PAAF1: variants seen among roughly 807,000 people sequenced by gnomAD.
The protein encoded by PAAF1 is proteasomal ATPase associated factor 1.
A neutral mutation model predicts 52.8 loss-of-function variants in PAAF1; 46 were observed. That is an observed-to-expected ratio of 0.87 (90% CI 0.69 to 1.11). The LOEUF (loss-of-function observed/expected upper bound fraction) is 1.11. Among genes scored for constraint, PAAF1 ranks in the 50% most tolerant of loss-of-function variants. The pLI, the probability that PAAF1 is intolerant of heterozygous loss-of-function variation, is 0.00. For synonymous variants in PAAF1, 178 were observed against 172.8 expected (o/e 1.03, Z -0.24); for missense variants, 424 against 477.4 (o/e 0.89, Z 1.04).
chr11:73,886,805 G>C (rs1039529641), intron 2 of PAAF1: 2 of 219,436 alleles, frequency 9.1e-6, no homozygotes, highest in African/African-American at 2.4e-5. Flanking sequence ...TTAATCCTCA[G>C]TGTTGGAGGT....
At chr11:73,882,665 T>A (rs987979307) in intron 2 of PAAF1, among the ~76,000 whole-genome samples, 3 of 151,892 alleles carry the variant, frequency 2.0e-5, no homozygotes, top group Admixed American at 2.0e-4. Flanking sequence ...TGCAGTGGCA[T>A]GTTCTCGGCT....
At position 73,894,462 on chromosome 11, in the gene PAAF1, A is replaced by G. The variant is rs112122721; in HGVS notation, c.282+3261A>G. Among the ~76,000 whole-genome samples the G allele has an allele frequency of 3.6e-3, 549 of 152,280 alleles. 4 individuals carry two copies. Among genetic ancestry groups the G allele is most frequent in the African/African-American group, 0.012 (505 of 41,552 alleles). On this transcript the variant is annotated intron_variant, in intron 4 of 11. Coordinates refer to ENST00000310571, the MANE Select transcript of PAAF1 (RefSeq NM_025155.3). ...CAAGACCAGCCTGGCCAACATAATG[A>G]AACCCCATCTCTACTAAAAATATAA...
intron 6 of PAAF1, among the ~76,000 whole-genome samples, chr11:73,903,249 C>T (rs908235885): frequency 7.2e-5 from 11 of 152,198 alleles, no homozygotes; most frequent in Non-Finnish European, 1.3e-4. Context: ...AATAAAGTAG[C>T]CCCAGGTTTG....
Position 73,897,235 on chromosome 11 carries a change from GACCCCCCC to G in PAAF1, c.283-1910_283-1903del, listed in dbSNP as rs1565134129. ...GGGGCGGCTGGCCGGGCGGGGGGCTGACCCCCCCCACCTCCCTCCCGGACGGGGCGGCT... is the reference window on the plus strand; with the variant it reads ...GGGGCGGCTGGCCGGGCGGGGGGCTGCACCTCCCTCCCGGACGGGGCGGCT... On this transcript the variant is annotated intron_variant, in intron 4 of 11. Transcript: ENST00000310571. Among the ~76,000 whole-genome samples the G allele has an allele frequency of 2.4e-3, 201 of 83,170 alleles. 2 individuals carry two copies. Among genetic ancestry groups the G allele is most frequent in the African/African-American group, 0.015 (187 of 12,164 alleles). 54.6% of individuals were successfully genotyped at this position (83,170 alleles called of 152,430 possible). A position where few individuals can be genotyped will look rare whatever the true frequency, so the allele number is the denominator to read the frequency against.
At chr11:73,904,083 CAA>C (rs931989704) in intron 6 of PAAF1, among the ~76,000 whole-genome samples, 5 of 129,482 alleles carry the variant, frequency 3.9e-5, no homozygotes, top group Admixed American at 7.9e-5. Flanking sequence ...GACTCCGTCT[CAA>C]AAAAAAAAAA....
chr11:73,894,776 G>T (rs1461109954), intron 4 of PAAF1, among the ~76,000 whole-genome samples: 1 of 152,076 alleles, frequency 6.6e-6, no homozygotes, highest in Non-Finnish European at 1.5e-5. Flanking sequence ...GTGAGCCGAG[G>T]TTGCGCCACT....
At chr11:73,916,776 C>G in intron 9 of PAAF1, 116 bp downstream of exon 9, 1 of 597,984 alleles carries the variant, frequency 1.7e-6, no homozygotes, top group South Asian at 3.7e-5. Flanking sequence ...GTATATTTTT[C>G]CATTTACAAA....
At chr11:73,898,485 G>A (rs775843814) in intron 4 of PAAF1, among the ~76,000 whole-genome samples, 1 of 151,996 alleles carries the variant, frequency 6.6e-6, no homozygotes, top group African/African-American at 2.4e-5. Context: ...CAGAGTGTTG[G>A]GATTACACAG....
At chr11:73,886,566 C>T (rs537985153) in intron 2 of PAAF1, among the ~76,000 whole-genome samples, 204 of 143,018 alleles carry the variant, frequency 1.4e-3, no homozygotes, top group Middle Eastern at 3.9e-3. Flanking sequence ...CCCAGCTGTT[C>T]GGAGGCTGAA....
At chr11:73,922,243 C>G in intron 10 of PAAF1, 1 of 630,816 alleles carries the variant, frequency 1.6e-6, no homozygotes, top group Non-Finnish European at 2.9e-6. Flanking sequence ...TTGTACTTTT[C>G]TACTTTTCTG....
At chr11:73,893,434 C>T (rs1365401680) in intron 4 of PAAF1, among the ~76,000 whole-genome samples, 2 of 151,996 alleles carry the variant, frequency 1.3e-5, no homozygotes, top group Non-Finnish European at 2.9e-5. Flanking sequence ...AAGCGGAAAG[C>T]AGTTATTTAT....
At chr11:73,923,766 AG>A (rs1950287628) in intron 10 of PAAF1, among the ~76,000 whole-genome samples, 1 of 152,132 alleles carries the variant, frequency 6.6e-6, no homozygotes, top group African/African-American at 2.4e-5. Context: ...AGCAGTTTAT[AG>A]ATCACCCCTA....
chr11:73,918,930 C>T lies in PAAF1; in HGVS notation c.936-20C>T, dbSNP rs754867830. The T allele has an allele frequency of 6.3e-7, 1 of 1,598,660 alleles. No individual in the cohort carries two copies. ...CTTTTGAAGAAAGAAAGTAAAATTT[C>T]CCCTTTCTCTGAATCCTAGGGCTCC... On this transcript the variant is annotated intron_variant, in intron 9 of 11. Transcript: ENST00000310571.
intron 7 of PAAF1, among the ~76,000 whole-genome samples, chr11:73,911,875 C>A (rs994209925): frequency 6.6e-5 from 10 of 151,656 alleles, no homozygotes; most frequent in African/African-American, 2.4e-4. Flanking sequence ...CTCAAGTGAT[C>A]CACCCTCCTA....
At chr11:73,910,122 T>G (rs1949888387) in intron 7 of PAAF1, among the ~76,000 whole-genome samples, 1 of 152,194 alleles carries the variant, frequency 6.6e-6, no homozygotes. Context: ...AGAGTCCTGC[T>G]GTTTTGCCCA....
intron 11 of PAAF1, among the ~76,000 whole-genome samples, chr11:73,925,099 G>A (rs1225077285): frequency 2.7e-5 from 4 of 148,952 alleles, no homozygotes; most frequent in African/African-American, 1.0e-4. Context: ...AGGCTGCAGT[G>A]AGCCTCAAGA....
In PAAF1 at chr11:73,909,395, C is replaced by G. The variant is rs1156965766; in HGVS notation, c.533-4C>G. On this transcript the variant is annotated splice_polypyrimidine_tract_variant and splice_region_variant and intron_variant, in intron 6 of 11. Coordinates refer to ENST00000310571, the MANE Select transcript of PAAF1 (RefSeq NM_025155.3). ...CATCTTAGGGAGTTTTTTTCTCTTG[C>G]TAGGTATCCTGGATACAGCCATCGT... The G allele has an allele frequency of 1.2e-6, 2 of 1,612,920 alleles. No homozygotes were observed. Among genetic ancestry groups the G allele is most frequent in the East Asian group, 4.5e-5 (2 of 44,876 alleles).
At chr11:73,904,763 A>G (rs1192342109) in intron 6 of PAAF1, among the ~76,000 whole-genome samples, 4 of 152,236 alleles carry the variant, frequency 2.6e-5, no homozygotes, top group African/African-American at 9.6e-5. Context: ...TGTTAAGAAT[A>G]TACACCTGGG....
intron 10 of PAAF1, chr11:73,921,862 C>T (rs768989946): frequency 8.9e-7 from 1 of 1,117,704 alleles, no homozygotes; most frequent in Non-Finnish European, 1.3e-6. Context: ...AAGTGGAAAA[C>T]CAGGTTCTCC....
Sources: gnomAD v4.1 joint callset for allele counts (sites outside exome capture counted in the v4.1 genomes callset) on GRCh38, gnomAD v4.1.1 for gene constraint, MANE v1.5 for transcripts, NCBI Gene and HGNC (gene_info 2026-07-23, HGNC 2026-07-21) for gene names.